The following MLLT3 variants were observed in gnomAD, a reference collection of about 807,000 sequenced individuals.
MLLT3 encodes the protein protein AF-9.
In MLLT3, 4 loss-of-function variants were observed where a neutral mutation model predicts 53.2. The observed-to-expected ratio is 0.08, with a 90% CI of 0.04 to 0.17. The LOEUF (loss-of-function observed/expected upper bound fraction) is 0.17, where lower values mean the gene tolerates loss of function less well. MLLT3 is among the 10% of genes least tolerant of loss of function. The pLI is 1.00. For synonymous variants in MLLT3, 283 were observed against 230.6 expected, an observed-to-expected ratio of 1.23 and a Z score of -2.06; for missense variants, 569 against 684.0, an observed-to-expected ratio of 0.83 and a Z score of 1.87.
chr9:20,386,319 GAA>G (rs1365256161), intron 5 of MLLT3, among the ~76,000 whole-genome samples: 2 of 152,168 alleles, frequency 1.3e-5, no homozygotes, highest in Admixed American at 6.6e-5. Flanking sequence ...ACAGCATGTT[GAA>G]GAGTAAGGAG....
chr9:20,435,620 T>C (rs1258782075), intron 4 of MLLT3, among the ~76,000 whole-genome samples: 1 of 152,184 alleles, frequency 6.6e-6, no homozygotes, highest in Non-Finnish European at 1.5e-5. Flanking sequence ...TGTTTATTTA[T>C]ACACTCCGAG....
At chr9:20,545,096 CAAAAAAA>C (rs60850984) in intron 2 of MLLT3, among the ~76,000 whole-genome samples, 4 of 48,074 alleles carry the variant, frequency 8.3e-5, no homozygotes, top group African/African-American at 2.4e-4. Flanking sequence ...CCTATCTCTA[CAAAAAAA>C]AAAAAAAAAA....
rs562694922 is a variant in MLLT3 at position 20,460,373 on chromosome 9, A to G, written c.194-3587T>C. Among the ~76,000 whole-genome samples the G allele has an allele frequency of 2.0e-5, 3 of 152,382 alleles. No homozygotes were observed. In the South Asian group the frequency reaches 6.2e-4, roughly 32 times the overall value. On this transcript the variant is annotated intron_variant, in intron 2 of 10. Coordinates refer to ENST00000380338, the MANE Select transcript of MLLT3 (RefSeq NM_004529.4). ...CCATTAAAATCTTTAGGTGACAATA[A>G]AATGGGATAATTAACATTTACTTTT...
intron 2 of MLLT3, among the ~76,000 whole-genome samples, chr9:20,619,743 T>C (rs1241267111): frequency 6.6e-6 from 1 of 152,232 alleles, no homozygotes; most frequent in Non-Finnish European, 1.5e-5. Context: ...CCTCTTTAAA[T>C]TTCTTTCAAA....
At chr9:20,502,740 G>T (rs1323716337) in intron 2 of MLLT3, among the ~76,000 whole-genome samples, 1 of 152,182 alleles carries the variant, frequency 6.6e-6, no homozygotes, top group East Asian at 1.9e-4. Flanking sequence ...GGTATCCACA[G>T]GAGGTCCTGG....
Position 20,589,544 on chromosome 9 carries a change from C to A in MLLT3, c.193+31110G>T, listed in dbSNP as rs1049977067. Among the ~76,000 whole-genome samples, 117 of 150,042 alleles carry A rather than the reference C, an allele frequency of 7.8e-4. 2 individuals are homozygous for A. Among genetic ancestry groups the A allele is most frequent in the Non-Finnish European group, 1.2e-4 (8 of 67,576 alleles). On this transcript the variant is annotated intron_variant, in intron 2 of 10. Transcript: ENST00000380338. Reference sequence around the variant, plus strand: ...GCACATGTATACGTATGTAACTAACCTGCACAATGTGCACATGTACCCTAA... The same window carrying A: ...GCACATGTATACGTATGTAACTAACATGCACAATGTGCACATGTACCCTAA...
chr9:20,483,617 T>G lies in MLLT3; in HGVS notation c.194-26831A>C, dbSNP rs369586537. 2.0e-5 allele frequency among the ~76,000 whole-genome samples: 3 copies of G among 151,914 alleles called. No homozygotes were observed. The East Asian group carries it at 5.8e-4, about 29-fold the overall frequency. ...CCACCAGCAAACTGTTAATACCATA[T>G]TTTAAGTGTAAGATGCCCCTGAATG... is the stretch of plus-strand genomic sequence containing the variant. On this transcript the variant is annotated intron_variant, in intron 2 of 10. Transcript: ENST00000380338.
intron 2 of MLLT3, among the ~76,000 whole-genome samples, chr9:20,467,941 T>A (rs73648218): frequency 0.013 from 1,985 of 152,298 alleles, 40 homozygotes; most frequent in African/African-American, 0.037. Context: ...ACAGGCAGCA[T>A]TTTGCGGAAG....
intron 5 of MLLT3, among the ~76,000 whole-genome samples, chr9:20,378,336 C>G (rs1476716698): frequency 6.6e-6 from 1 of 151,988 alleles, no homozygotes; most frequent in Non-Finnish European, 1.5e-5. Context: ...CACATGATTT[C>G]AAGCTCTGGA....
chr9:20,483,698 CTTT>C (rs10538657), intron 2 of MLLT3, among the ~76,000 whole-genome samples: 20,601 of 68,540 alleles, frequency 0.3, 2,807 homozygotes, highest in Middle Eastern at 0.47. Flanking sequence ...CAGTAAAACT[CTTT>C]TTTTTTTTTT....
At chr9:20,604,377 A>C (rs1820511782) in intron 2 of MLLT3, among the ~76,000 whole-genome samples, 1 of 151,786 alleles carries the variant, frequency 6.6e-6, no homozygotes, top group South Asian at 2.1e-4. Context: ...CTCAATTTTC[A>C]CAGTTTTCTA....
intron 5 of MLLT3, among the ~76,000 whole-genome samples, chr9:20,373,502 G>A (rs1184936162): frequency 1.3e-5 from 2 of 152,176 alleles, no homozygotes; most frequent in Non-Finnish European, 2.9e-5. Context: ...TGTACTAAGA[G>A]CATACTTCCT....
intron 2 of MLLT3, among the ~76,000 whole-genome samples, chr9:20,502,091 AAAGG>A (rs1251720810): frequency 4.4e-4 from 52 of 117,858 alleles, no homozygotes; most frequent in African/African-American, 1.4e-3. Context: ...CAAAAAAAAA[AAAGG>A]GGGGGGGGGG....
chr9:20,422,713 AGAGTAGTGACATCTGG>A (rs564565532), intron 4 of MLLT3, among the ~76,000 whole-genome samples: 11 of 152,312 alleles, frequency 7.2e-5, no homozygotes, highest in African/African-American at 2.6e-4. Flanking sequence ...GCAGCCGCAA[AGAGTAGTGACATCTGG>A]GAGTAGTGAC....
chr9:20,516,522 A>C (rs561257695), intron 2 of MLLT3, among the ~76,000 whole-genome samples: 5 of 152,344 alleles, frequency 3.3e-5, no homozygotes, highest in Admixed American at 2.0e-4. Flanking sequence ...CTATTGTATT[A>C]AATAACTGTC....
At position 20,621,449 on chromosome 9, in the gene MLLT3, AACAC is replaced by A. The variant is rs903158109; in HGVS notation, c.13-619_13-616del. Among the ~76,000 whole-genome samples, 2 of 151,840 alleles carry A rather than the reference AACAC, an allele frequency of 1.3e-5. No individual in the cohort carries two copies. The highest frequency in any genetic ancestry group is 1.9e-4 in the East Asian group (1 of 5,180). ...AATGAGACGTCGTCATACACACTGA[AACAC>A]ACACACACGCCCGCAGGAAAACACG... On this transcript the variant is annotated intron_variant, in intron 1 of 10. Transcript: ENST00000380338. This position sits in a 1 kb window ranked among gnomAD's most constrained non-coding sequence, Gnocchi z 7.0.
intron 3 of MLLT3, among the ~76,000 whole-genome samples, chr9:20,449,881 T>C (rs1400543782): frequency 6.6e-6 from 1 of 152,192 alleles, no homozygotes; most frequent in Non-Finnish European, 1.5e-5. Flanking sequence ...ACCTTAAATG[T>C]CCTTTACCTT....
chr9:20,455,500 T>C (rs1312024782), intron 3 of MLLT3, among the ~76,000 whole-genome samples: 1 of 152,232 alleles, frequency 6.6e-6, no homozygotes, highest in Non-Finnish European at 1.5e-5. Flanking sequence ...AGATTCTGAT[T>C]TGATACATCT....
At chr9:20,556,538 C>T (rs1298904262) in intron 2 of MLLT3, among the ~76,000 whole-genome samples, 1 of 151,994 alleles carries the variant, frequency 6.6e-6, no homozygotes, top group Non-Finnish European at 1.5e-5. Flanking sequence ...TAAAAATTAG[C>T]CAGCCGTGGT....
Sources: allele counts gnomAD v4.1 joint callset (sites outside exome capture counted in the v4.1 genomes callset), GRCh38; gene constraint gnomAD v4.1.1; non-coding constraint Gnocchi (gnomAD v3.1); transcripts MANE v1.5; gene names NCBI Gene and HGNC (gene_info 2026-07-23, HGNC 2026-07-21).